DEPTOR: variants seen among roughly 807,000 people sequenced by gnomAD.
DEPTOR encodes DEP domain-containing mTOR-interacting protein.
A neutral mutation model predicts 41.6 loss-of-function variants in DEPTOR; 41 were observed. The observed-to-expected ratio is 0.98, with a 90% CI of 0.77 to 1.28. DEPTOR has a LOEUF of 1.28. Ranked by LOEUF, DEPTOR falls within the 50% of genes most tolerant of loss-of-function variation. The pLI, the probability that DEPTOR is intolerant of heterozygous loss-of-function variation, is 0.00. For missense variants in DEPTOR, 514 were observed against 527.9 expected (o/e 0.97, Z 0.26); for synonymous variants, 195 against 192.3 (o/e 1.01, Z -0.12).
chr8:119,997,293 G>T (rs1032659891), intron 4 of DEPTOR, among the ~76,000 whole-genome samples: 1 of 151,978 alleles, frequency 6.6e-6, no homozygotes, highest in Non-Finnish European at 1.5e-5. Flanking sequence ...GGAATGTAAT[G>T]GTGTGATCAC....
At chr8:119,934,231 G>A (rs751694512) in intron 3 of DEPTOR, among the ~76,000 whole-genome samples, 10 of 152,166 alleles carry the variant, frequency 6.6e-5, no homozygotes, top group Non-Finnish European at 1.5e-4. Context: ...TCTGCTCGTT[G>A]GTAGGATAAA....
At chr8:119,970,865 C>T (rs987730814) in intron 4 of DEPTOR, among the ~76,000 whole-genome samples, 2 of 152,012 alleles carry the variant, frequency 1.3e-5, no homozygotes, top group Non-Finnish European at 2.9e-5. Context: ...TGCAGTAACA[C>T]GTGTGCAATA....
intron 8 of DEPTOR, among the ~76,000 whole-genome samples, chr8:120,036,857 A>G (rs1272996405): frequency 2.6e-5 from 4 of 152,248 alleles, no homozygotes; most frequent in Admixed American, 1.3e-4. Context: ...GAAATTCCTT[A>G]ACGGAATTTG....
At chr8:120,028,756 C>T (rs1394848175) in intron 8 of DEPTOR, among the ~76,000 whole-genome samples, 1 of 151,648 alleles carries the variant, frequency 6.6e-6, no homozygotes, top group East Asian at 2.0e-4. Context: ...AACCACCATG[C>T]CCAGCCCCTC....
intron 4 of DEPTOR, among the ~76,000 whole-genome samples, chr8:119,977,807 G>A (rs1323974252): frequency 1.3e-5 from 2 of 152,198 alleles, no homozygotes; most frequent in East Asian, 1.9e-4. Context: ...GCACACAGAC[G>A]AGAGGTTTCT....
chr8:119,915,720 A>G (rs1489693015), intron 1 of DEPTOR, among the ~76,000 whole-genome samples: 1 of 152,212 alleles, frequency 6.6e-6, no homozygotes, highest in Non-Finnish European at 1.5e-5. Context: ...AAGACAATTC[A>G]GTGATTTTGG....
chr8:119,907,985 G>A (rs1349039022), intron 1 of DEPTOR, among the ~76,000 whole-genome samples: 2 of 152,120 alleles, frequency 1.3e-5, no homozygotes, highest in Admixed American at 1.3e-4. Context: ...GACTCAGGGT[G>A]GGACACCTAG....
intron 1 of DEPTOR, 124 bp from the exon 2 acceptor site, chr8:119,928,276 C>T: frequency 3.9e-6 from 4 of 1,030,882 alleles, no homozygotes; most frequent in Admixed American, 5.4e-5. Flanking sequence ...ACCAAGCGAG[C>T]TAAAGATATT....
intron 7 of DEPTOR, among the ~76,000 whole-genome samples, chr8:120,008,620 A>G (rs1392203809): frequency 6.6e-6 from 1 of 152,040 alleles, no homozygotes; most frequent in Non-Finnish European, 1.5e-5. Context: ...CAGGATCAAG[A>G]GTGTATCATT....
chr8:120,040,024 A>G (rs1360940171), intron 8 of DEPTOR, among the ~76,000 whole-genome samples: 1 of 151,920 alleles, frequency 6.6e-6, no homozygotes. Flanking sequence ...TTGTATTCTT[A>G]GTAGAGATGG....
At position 120,001,330 on chromosome 8, in the gene DEPTOR, A is replaced by C. The variant is rs185393677; in HGVS notation, c.605-195A>C. On this transcript the variant is annotated intron_variant, in intron 4 of 8. Coordinates refer to ENST00000286234, the MANE Select transcript of DEPTOR (RefSeq NM_022783.4). ...GCAAAGTTCCCCAGAGGAATTGGTT[A>C]GCAAATTTTTAAAGTGCATGTCACG... Among the ~76,000 whole-genome samples, 337 of 152,290 alleles carry C rather than the reference A, an allele frequency of 2.2e-3. 3 individuals are homozygous for C. The highest frequency in any genetic ancestry group is 7.9e-3 in the African/African-American group (327 of 41,568).
intron 4 of DEPTOR, among the ~76,000 whole-genome samples, chr8:119,993,286 T>C (rs1812203661): frequency 2.0e-5 from 3 of 152,192 alleles, no homozygotes; most frequent in African/African-American, 7.2e-5. Context: ...ATTGAGTGCT[T>C]CTAAAGTTCC....
At chr8:120,023,814 A>G (rs201257684) in intron 8 of DEPTOR, among the ~76,000 whole-genome samples, 1 of 98,448 alleles carries the variant, frequency 1.0e-5, no homozygotes, top group Non-Finnish European at 2.2e-5. Flanking sequence ...TTTTTTTTTT[A>G]CTTTGCTTGG....
At chr8:120,016,624 A>G (rs999519673) in intron 8 of DEPTOR, among the ~76,000 whole-genome samples, 1 of 150,802 alleles carries the variant, frequency 6.6e-6, no homozygotes, top group Non-Finnish European at 1.5e-5. Context: ...TTTTTTAAAG[A>G]AAGAGTTTCA....
chr8:119,965,707 G>A lies in DEPTOR; in HGVS notation c.604+297G>A, dbSNP rs1828550221. ...TAGCGCTTCCAAAAGTTGCTGCTTG[G>A]ATGTGATGTAACATCACAACTTTGT... On this transcript the variant is annotated intron_variant, in intron 4 of 8. Coordinates refer to ENST00000286234, the MANE Select transcript of DEPTOR (RefSeq NM_022783.4). 2.0e-5 allele frequency among the ~76,000 whole-genome samples: 3 copies of A among 152,300 alleles called. No homozygotes were observed. The South Asian group carries it at 6.2e-4, about 32-fold the overall frequency.
chr8:119,881,656 G>C (rs1272599896), intron 1 of DEPTOR, among the ~76,000 whole-genome samples: 1 of 152,074 alleles, frequency 6.6e-6, no homozygotes, highest in Non-Finnish European at 1.5e-5. Flanking sequence ...TTTTATTCAA[G>C]TAGGCACCTA....
intron 3 of DEPTOR, among the ~76,000 whole-genome samples, chr8:119,962,781 G>A (rs1302625557): frequency 1.3e-5 from 2 of 152,208 alleles, no homozygotes; most frequent in South Asian, 2.1e-4. Flanking sequence ...CTAGGTTAAA[G>A]TATTGGTGTT....
intron 4 of DEPTOR, among the ~76,000 whole-genome samples, chr8:119,987,359 G>A (rs1828841711): frequency 6.6e-6 from 1 of 152,164 alleles, no homozygotes; most frequent in Admixed American, 6.5e-5. Context: ...CACCAGTGGA[G>A]GCTACAGAAC....
chr8:119,885,581 C>T (rs573725186), intron 1 of DEPTOR, among the ~76,000 whole-genome samples: 26 of 152,262 alleles, frequency 1.7e-4, no homozygotes, highest in Admixed American at 7.2e-4. Context: ...CAGGCCTTGA[C>T]GCCATGATAA....
Sources: allele counts gnomAD v4.1 joint callset (sites outside exome capture counted in the v4.1 genomes callset), GRCh38; gene constraint gnomAD v4.1.1; transcripts MANE v1.5; gene names NCBI Gene and HGNC (gene_info 2026-07-23, HGNC 2026-07-21).